RGR: variants seen among roughly 807,000 people sequenced by gnomAD.
The protein encoded by RGR is RPE-retinal G protein-coupled receptor.
RGR carries 30 observed loss-of-function variants against 28.6 expected under a neutral mutation model. The ratio of observed to expected loss-of-function variants is 1.05; its 90% CI spans 0.78 to 1.42. The LOEUF (loss-of-function observed/expected upper bound fraction) is 1.42. Among genes scored for constraint, RGR ranks in the 40% most tolerant of loss-of-function variants. The pLI, the probability that RGR is intolerant of heterozygous loss-of-function variation, is 0.00. For synonymous variants in RGR, 180 were observed against 156.4 expected, an observed-to-expected ratio of 1.15 and a Z score of -1.13; for missense variants, 404 against 375.6, an observed-to-expected ratio of 1.08 and a Z score of -0.62.
chr10:84,253,497 C>T (rs138536071), intron 4 of RGR, among the ~76,000 whole-genome samples: 1 of 152,308 alleles, frequency 6.6e-6, no homozygotes, highest in Non-Finnish European at 1.5e-5. Context: ...TGAGGGTCCC[C>T]ACCCTCATGG....
chr10:84,248,873 G>C (rs776079467), intron 2 of RGR, 49 bp from the exon 3 acceptor site: 7 of 1,614,096 alleles, frequency 4.3e-6, no homozygotes, highest in Admixed American at 3.3e-5. Flanking sequence ...AGGTGTGGGA[G>C]GTGGAAAGGA....
Position 84,258,858 on chromosome 10 carries a change from G to A in RGR, c.*219G>A, listed in dbSNP as rs181583583. 13 of 611,944 alleles carry A rather than the reference G, an allele frequency of 2.1e-5. No homozygotes were observed. The highest frequency in any genetic ancestry group is 3.4e-5 in the Non-Finnish European group (12 of 350,112). 37.9% of individuals were successfully genotyped at this position (611,944 alleles called of 1,614,324 possible). On this transcript the variant is annotated 3_prime_UTR_variant, in exon 7 of 7. Transcript: ENST00000652092. ...AGCCCCCTACACTCAAGGCTGAGAG[G>A]CCTCAGGAAAGTCATTCCTTTTTAA...
intron 4 of RGR, among the ~76,000 whole-genome samples, chr10:84,253,699 C>T (rs1842848051): frequency 6.6e-6 from 1 of 152,202 alleles, no homozygotes; most frequent in African/African-American, 2.4e-5. Context: ...GACAGGCTTT[C>T]CAGGTGATGC....
Position 84,254,255 on chromosome 10 carries a change from C to CT in RGR, c.513-70dup. 2.4e-6 allele frequency: 3 copies of CT among 1,262,264 alleles called. No individual in the cohort carries two copies. The South Asian group carries it at 3.6e-5, about 15-fold the overall frequency. The allele number at this position is 1,262,264 out of a possible 1,614,324, so 78.2% of individuals were successfully genotyped here. On this transcript the variant is annotated intron_variant, in intron 4 of 6. Transcript: ENST00000652092. The stretch of plus-strand genomic sequence containing the variant: ...CCACAACCGATCATCTAGGGCAGAG[C>CT]TGGTGGGTCCTTGAGGGCAGCTGGC...
At chr10:84,257,240 A>G (rs1842899792) in intron 5 of RGR, among the ~76,000 whole-genome samples, 1 of 152,102 alleles carries the variant, frequency 6.6e-6, no homozygotes, top group Non-Finnish European at 1.5e-5. Context: ...TCATGGCCCC[A>G]GGCGGCACCC....
intron 3 of RGR, chr10:84,250,405 C>T (rs1254923260): frequency 1.4e-6 from 1 of 717,340 alleles, no homozygotes; most frequent in East Asian, 2.7e-5. Context: ...TGCCATCGGT[C>T]TCATCATTTT....
At chr10:84,258,061 C>A in intron 6 of RGR, 55 bp downstream of exon 6, 1 of 1,399,604 alleles carries the variant, frequency 7.1e-7, no homozygotes, top group Non-Finnish European at 1.0e-6. Flanking sequence ...TGTTCTCTGT[C>A]TCATCTCATC....
intron 3 of RGR, among the ~76,000 whole-genome samples, chr10:84,252,547 T>C (rs1842831484): frequency 6.6e-6 from 1 of 152,226 alleles, no homozygotes; most frequent in Non-Finnish European, 1.5e-5. Flanking sequence ...GCGAGAATAC[T>C]GGGGCTCAAA....
At position 84,254,312 on chromosome 10, in the gene RGR, C is replaced by T. The variant is rs916194875; in HGVS notation, c.513-14C>T. The T allele has an allele frequency of 1.1e-5, 17 of 1,610,238 alleles. No individual in the cohort carries two copies. Among genetic ancestry groups the T allele is most frequent in the African/African-American group, 4.0e-5 (3 of 74,822 alleles). ...TGAGAGCTAACCCCAATCCTCCACCCGCTCTCCCTGTAGAAACTTCACCAG... is the reference window on the plus strand; with the variant it reads ...TGAGAGCTAACCCCAATCCTCCACCTGCTCTCCCTGTAGAAACTTCACCAG... On this transcript the variant is annotated splice_polypyrimidine_tract_variant and intron_variant, in intron 4 of 6. Coordinates refer to ENST00000652092, the MANE Select transcript of RGR (RefSeq NM_001012720.2).
intron 5 of RGR, among the ~76,000 whole-genome samples, chr10:84,254,926 G>C (rs375398632): frequency 6.6e-6 from 1 of 152,188 alleles, no homozygotes; most frequent in African/African-American, 2.4e-5. Flanking sequence ...CCCCTGACAG[G>C]TTTGGTCCAG....
chr10:84,257,908 C>G lies in RGR; in HGVS notation c.646C>G (p.Pro216Ala). The G allele has an allele frequency of 6.2e-7, 1 of 1,614,098 alleles. No homozygotes were observed. Among genetic ancestry groups the G allele is most frequent in the Non-Finnish European group, 8.5e-7 (1 of 1,180,026 alleles). ...TTCTCCCCAGGTAAACACCACTCTG[C>G]CAGCAAGGACGCTGCTGCTCGGCTG... ...SGHLQVNTTLPARTLLLGWGP... is the reference protein window; with the variant it reads ...SGHLQVNTTLAARTLLLGWGP... The change falls in exon 6 of 7, where the codon CCA (proline) becomes GCA (alanine). Residue 216 changes from proline to alanine, a missense_variant. Physicochemically the swap from Pro to Ala is conservative, Grantham distance 27. Transcript: ENST00000652092.
Position 84,259,606 on chromosome 10 carries a change from C to T in RGR, c.*967C>T, listed in dbSNP as rs989986051. 2 of 152,170 alleles carry T rather than the reference C, an allele frequency of 1.3e-5. No individual in the cohort carries two copies. Among genetic ancestry groups the T allele is most frequent in the Admixed American group, 1.3e-4 (2 of 15,270 alleles). 9.4% of individuals were successfully genotyped at this position (152,170 alleles called of 1,614,324 possible). A position where few individuals can be genotyped will look rare whatever the true frequency, so the allele number is the denominator to read the frequency against. ...TTCTCACTTGTGTGAGATAAGGTCT[C>T]ATTGTGGTTTTAATTTCCATTTCTC... On this transcript the variant is annotated 3_prime_UTR_variant, in exon 7 of 7. Coordinates refer to ENST00000652092, the MANE Select transcript of RGR (RefSeq NM_001012720.2).
In RGR at chr10:84,247,616, C is replaced by T. The variant is rs1469226795; in HGVS notation, c.105C>T (p.Thr35=). The T allele has an allele frequency of 6.2e-7, 1 of 1,614,062 alleles. No individual in the cohort carries two copies. Among genetic ancestry groups the T allele is most frequent in the Non-Finnish European group, 8.5e-7 (1 of 1,180,044 alleles). The change falls in exon 2 of 7, where the codon ACC becomes ACT. Residue 35 remains threonine, a synonymous_variant. Transcript: ENST00000652092. ...CTCTCTCCGGTCTCAGCCTCAATAC[C>T]CTGACCATCTTCTCTTTCTGCAAGA... ...VEALSGLSLN[T]LTIFSFCKTP...
intron 6 of RGR, 25 bp from the exon 7 acceptor site, chr10:84,258,483 T>C (rs767351491): frequency 1.9e-6 from 3 of 1,613,936 alleles, no homozygotes; most frequent in African/African-American, 2.7e-5. Context: ...TGAAGCTTCT[T>C]TTCTGGACTT....
chr10:84,252,331 C>T (rs185048546), intron 3 of RGR, among the ~76,000 whole-genome samples: 28 of 152,294 alleles, frequency 1.8e-4, no homozygotes, highest in African/African-American at 6.5e-4. Context: ...CTTCTGCCTC[C>T]ATCCCCTATG....
chr10:84,248,794 C>T, intron 2 of RGR, 128 bp from the exon 3 acceptor site: 1 of 1,558,766 alleles, frequency 6.4e-7, no homozygotes, highest in Non-Finnish European at 8.8e-7. Flanking sequence ...AGGAAAGACA[C>T]CAATATTAAG....
At chr10:84,253,569 C>A (rs781050909) in intron 4 of RGR, among the ~76,000 whole-genome samples, 17 of 152,236 alleles carry the variant, frequency 1.1e-4, no homozygotes, top group Non-Finnish European at 2.2e-4. Flanking sequence ...TAGGGGGATC[C>A]TTTAGGAACT....
chr10:84,258,896 A>C lies in RGR; in HGVS notation c.*257A>C. On this transcript the variant is annotated 3_prime_UTR_variant, in exon 7 of 7. Coordinates refer to ENST00000652092, the MANE Select transcript of RGR (RefSeq NM_001012720.2). ...CATTCCTTTTTAAAAATAATAATAA[A>C]TGTAAGGGGGTACAGTGCAGTTTTG... 10 of 476,984 alleles carry C rather than the reference A, an allele frequency of 2.1e-5. No homozygotes were observed. The highest frequency in any genetic ancestry group is 4.2e-5 in the East Asian group (1 of 23,782). The allele number at this position is 476,984 out of a possible 1,614,324, so 29.5% of individuals were successfully genotyped here.
intron 6 of RGR, among the ~76,000 whole-genome samples, chr10:84,258,269 ACT>A (rs1197474630): frequency 6.6e-6 from 1 of 151,518 alleles, no homozygotes; most frequent in Non-Finnish European, 1.5e-5. Context: ...GTAGATAAAG[ACT>A]CTGTGACCAG....
Sources: allele counts gnomAD v4.1 joint callset (sites outside exome capture counted in the v4.1 genomes callset), GRCh38; gene constraint gnomAD v4.1.1; transcripts MANE v1.5; gene names NCBI Gene and HGNC (gene_info 2026-07-23, HGNC 2026-07-21).